The following SLIT1 variants were observed in gnomAD, a reference collection of about 807,000 sequenced individuals.
The protein encoded by SLIT1 is slit guidance ligand 1.
Under a neutral mutation model 186.1 loss-of-function variants are expected in SLIT1, and 66 were observed. The ratio of observed to expected loss-of-function variants is 0.35; its 90% CI spans 0.29 to 0.44. SLIT1 has a LOEUF of 0.44. SLIT1 is among the 20% of genes least tolerant of loss of function. The pLI, the probability that SLIT1 is intolerant of heterozygous loss-of-function variation, is 1.00. For synonymous variants in SLIT1, 761 were observed against 833.8 expected (o/e 0.91, Z 1.50); for missense variants, 1,638 against 2,037.4 (o/e 0.80, Z 3.77).
At chr10:97,112,844 T>C (rs1157979680) in intron 4 of SLIT1, among the ~76,000 whole-genome samples, 1 of 151,882 alleles carries the variant, frequency 6.6e-6, no homozygotes, top group African/African-American at 2.4e-5. Flanking sequence ...CAGGAACATG[T>C]CACTGTACCC....
chr10:97,112,132 G>A (rs745328164), intron 4 of SLIT1, among the ~76,000 whole-genome samples: 4 of 152,052 alleles, frequency 2.6e-5, no homozygotes, highest in Non-Finnish European at 4.4e-5. Context: ...CCTTCCCTTC[G>A]TCACCTCTCT....
At chr10:97,002,609 G>T in intron 35 of SLIT1, 95 bp downstream of exon 35, 3 of 1,227,972 alleles carry the variant, frequency 2.4e-6, no homozygotes, top group Non-Finnish European at 3.3e-6. Context: ...TAGGCTACAT[G>T]TTCTAATATG....
intron 1 of SLIT1, among the ~76,000 whole-genome samples, chr10:97,177,903 G>A (rs1850278178): frequency 6.6e-6 from 1 of 152,156 alleles, no homozygotes; most frequent in Non-Finnish European, 1.5e-5. Context: ...TTGAACCCGG[G>A]AGGTGGGGGT....
rs553626144 is a variant in SLIT1, at chr10:97,006,940, C to T, written c.3342-220G>A. 2.4e-4 allele frequency among the ~76,000 whole-genome samples: 36 copies of T among 152,298 alleles called. No individual in the cohort carries two copies. Among genetic ancestry groups the T allele is most frequent in the African/African-American group, 8.7e-4 (36 of 41,560 alleles). On this transcript the variant is annotated intron_variant, in intron 31 of 36. Coordinates refer to ENST00000266058, the MANE Select transcript of SLIT1 (RefSeq NM_003061.3). This position sits in a 1 kb window ranked among gnomAD's most constrained non-coding sequence, Gnocchi z 4.0. Reference sequence around the variant, plus strand: ...TCCAGCAGCGTCAACATTACCTGGACACTTGATAGAAATGGCAAACCCACT... The same window carrying T: ...TCCAGCAGCGTCAACATTACCTGGATACTTGATAGAAATGGCAAACCCACT...
At chr10:97,040,628 G>A (rs2134619676) in intron 20 of SLIT1, among the ~76,000 whole-genome samples, 1 of 152,320 alleles carries the variant, frequency 6.6e-6, no homozygotes, top group Admixed American at 6.5e-5. Flanking sequence ...GAATGAACAA[G>A]TGGATGAATT....
chr10:97,180,664 C>G (rs370418764), intron 1 of SLIT1, among the ~76,000 whole-genome samples: 7 of 152,208 alleles, frequency 4.6e-5, no homozygotes, highest in African/African-American at 1.7e-4. Context: ...CCTCCCATCA[C>G]GACCATCCGC....
At chr10:97,173,781 G>A (rs1429441372) in intron 1 of SLIT1, among the ~76,000 whole-genome samples, 8 of 152,158 alleles carry the variant, frequency 5.3e-5, no homozygotes, top group Admixed American at 5.2e-4. Context: ...GGAGGACTCT[G>A]AAGTCCTGGA....
intron 28 of SLIT1, among the ~76,000 whole-genome samples, chr10:97,015,003 G>A (rs1372009527): frequency 6.6e-6 from 1 of 152,176 alleles, no homozygotes; most frequent in Non-Finnish European, 1.5e-5. Context: ...GGTCATGAGG[G>A]GCCCTGGGGA....
In SLIT1 at chr10:97,043,856, C is replaced by T. The variant is rs1848713098; in HGVS notation, c.1854-343G>A. 6.6e-6 allele frequency among the ~76,000 whole-genome samples: 1 copy of T among 152,172 alleles called. No individual in the cohort carries two copies. Among genetic ancestry groups the T allele is most frequent in the African/African-American group, 2.4e-5 (1 of 41,434 alleles). On this transcript the variant is annotated intron_variant, in intron 18 of 36. Coordinates refer to ENST00000266058, the MANE Select transcript of SLIT1 (RefSeq NM_003061.3). This position sits in a 1 kb window ranked among gnomAD's most constrained non-coding sequence, Gnocchi z 7.0. The stretch of plus-strand genomic sequence containing the variant: ...TCCACATCAGTGCCCAGGAGACTTC[C>T]TGAAACCTAATCCATCATGTCACTC...
At chr10:97,045,271 C>T (rs871992) in intron 18 of SLIT1, among the ~76,000 whole-genome samples, 15,999 of 151,492 alleles carry the variant, frequency 0.11, 1,453 homozygotes, top group African/African-American at 0.24. Flanking sequence ...GTCATTCAAA[C>T]TGATGCAGAG....
At chr10:97,037,566 A>G (rs2134616931) in intron 22 of SLIT1, 132 bp downstream of exon 22, 1 of 683,156 alleles carries the variant, frequency 1.5e-6, no homozygotes, top group Non-Finnish European at 2.6e-6. Flanking sequence ...AGCTGTTCCC[A>G]GAGGGGAGCA....
chr10:97,087,735 C>T (rs866798808), intron 4 of SLIT1, among the ~76,000 whole-genome samples: 4 of 152,050 alleles, frequency 2.6e-5, no homozygotes, highest in South Asian at 2.1e-4. Flanking sequence ...CTGGGGAGCC[C>T]GAGGCCTCCA....
At position 97,004,226 on chromosome 10, in the gene SLIT1, G is replaced by A. The variant is rs762633553; in HGVS notation, c.3711-4C>T. ...CCCATCGTTGATCGTCTCAGCACTGGAGGAAGAGGGGGTTCCCCGTTCCAG... is the reference window on the plus strand; with the variant it reads ...CCCATCGTTGATCGTCTCAGCACTGAAGGAAGAGGGGGTTCCCCGTTCCAG... On this transcript the variant is annotated splice_polypyrimidine_tract_variant and splice_region_variant and intron_variant, in intron 33 of 36. Transcript: ENST00000266058. The surrounding 1 kb of genome is among the most constrained non-coding windows in gnomAD (Gnocchi z 5.1). The A allele has an allele frequency of 6.3e-7, 1 of 1,598,192 alleles. No homozygotes were observed. The highest frequency in any genetic ancestry group is 2.3e-5 in the East Asian group (1 of 44,412).
At chr10:97,125,249 G>A (rs1849593960) in intron 4 of SLIT1, among the ~76,000 whole-genome samples, 1 of 151,760 alleles carries the variant, frequency 6.6e-6, no homozygotes, top group African/African-American at 2.4e-5. Flanking sequence ...CACAGAGTCA[G>A]ACAAACAAGG....
At chr10:97,075,151 G>GT (rs1849034382) in intron 4 of SLIT1, among the ~76,000 whole-genome samples, 1 of 152,200 alleles carries the variant, frequency 6.6e-6, no homozygotes, top group South Asian at 2.1e-4. Context: ...AGCCCGAGTG[G>GT]TTACCTTGAA....
At position 97,060,237 on chromosome 10, in the gene SLIT1, C is replaced by T. The variant is rs1266557847; in HGVS notation, c.942-79G>A. On this transcript the variant is annotated intron_variant, in intron 9 of 36. Coordinates refer to ENST00000266058, the MANE Select transcript of SLIT1 (RefSeq NM_003061.3). ...GGTGTTATCTGCTGGGCTCACCTGCCCTGAATAATCCTTTGGCCCCTCTTG... is the reference window on the plus strand; with the variant it reads ...GGTGTTATCTGCTGGGCTCACCTGCTCTGAATAATCCTTTGGCCCCTCTTG... 3 of 1,156,286 alleles carry T rather than the reference C, an allele frequency of 2.6e-6. No homozygotes were observed. In the East Asian group the frequency reaches 7.1e-5, roughly 27 times the overall value. 71.6% of individuals were successfully genotyped at this position (1,156,286 alleles called of 1,614,324 possible).
chr10:97,001,401 G>GCC, intron 36 of SLIT1, 51 bp from the exon 37 acceptor site: 1 of 1,429,392 alleles, frequency 7.0e-7, no homozygotes, highest in Non-Finnish European at 9.7e-7. Flanking sequence ...CCATGGGTGA[G>GCC]CTGCTGCCTC....
Position 97,034,511 on chromosome 10 carries a change from T to C in SLIT1, c.2398A>G (p.Ser800Gly). Reference protein sequence around the residue: ...DLSNNKISSLSNSSFTNMSQL... With the variant: ...DLSNNKISSLGNSSFTNMSQL... ...CTCATGTTGGTGAAGGAGGAATTGC[T>C]TAAGGAACTGATCTTGTTGTTGCTC... Residue 800 changes from serine (S) to glycine (G), a missense_variant, in exon 23 of 37, where the codon AGC (serine) becomes GGC (glycine). This residue lies in a region of SLIT1 where 1,245 missense variants were observed against 1,535.3 expected (regional missense o/e 0.81). Transcript: ENST00000266058. 1 of 1,613,752 alleles carries C rather than the reference T, an allele frequency of 6.2e-7. No homozygotes were observed. The highest frequency in any genetic ancestry group is 1.1e-5 in the South Asian group (1 of 91,080).
At position 97,001,195 on chromosome 10, in the gene SLIT1, A is replaced by C. The variant is rs751071718; in HGVS notation, c.4522T>G (p.Phe1508Val). The change falls in exon 37 of 37, where the codon TTC (phenylalanine) becomes GTC (valine). Residue 1508 changes from phenylalanine (F) to valine (V), a missense_variant. Physicochemically the swap from Phe to Val is conservative, Grantham distance 50. Coordinates refer to ENST00000266058, the MANE Select transcript of SLIT1 (RefSeq NM_003061.3). ...GTCCCATCGCTGCACTCAAAGGTGAACTTCCTCCGCTTCAGCCGAAGGCCC... is the reference window on the plus strand; with the variant it reads ...GTCCCATCGCTGCACTCAAAGGTGACCTTCCTCCGCTTCAGCCGAAGGCCC... ...CQGLRLKRRK[F>V]TFECSDGTSF... is the part of the protein sequence containing the mutation. 2 of 1,613,198 alleles carry C rather than the reference A, an allele frequency of 1.2e-6. No individual in the cohort carries two copies. Among genetic ancestry groups the C allele is most frequent in the Non-Finnish European group, 1.7e-6 (2 of 1,179,870 alleles).
Sources: gnomAD v4.1 joint callset for allele counts (sites outside exome capture counted in the v4.1 genomes callset) on GRCh38, gnomAD v4.1.1 for gene constraint, gnomAD v4.1.1 regional missense constraint, Gnocchi (gnomAD v3.1) non-coding constraint, MANE v1.5 for transcripts, NCBI Gene and HGNC (gene_info 2026-07-23, HGNC 2026-07-21) for gene names.